The following PRKCH variants were observed in gnomAD, a reference collection of about 807,000 sequenced individuals.
The protein encoded by PRKCH is protein kinase C eta.
In PRKCH, 28 loss-of-function variants were observed where a neutral mutation model predicts 82.5. The ratio of observed to expected loss-of-function variants is 0.34; its 90% CI spans 0.25 to 0.47. PRKCH has a LOEUF of 0.47. Ranked by LOEUF, PRKCH falls within the 20% of genes least tolerant of loss-of-function variation. The pLI, the probability that PRKCH is intolerant of heterozygous loss-of-function variation, is 1.00. For missense variants in PRKCH, 705 were observed against 881.8 expected (o/e 0.80, Z 2.54); for synonymous variants, 322 against 327.4 (o/e 0.98, Z 0.18).
intron 1 of PRKCH, among the ~76,000 whole-genome samples, chr14:61,191,778 T>G (rs1460948689): frequency 6.6e-6 from 1 of 152,244 alleles, no homozygotes; most frequent in Admixed American, 6.5e-5. Context: ...TTGATGGCTT[T>G]GGGAGTTTGT....
At chr14:61,281,339 G>A in intron 1 of PRKCH, 1 of 366,132 alleles carries the variant, frequency 2.7e-6, no homozygotes, top group Admixed American at 4.8e-5. Context: ...TACGAGCAGT[G>A]CCCACACCCT....
chr14:61,407,303 C>G lies in PRKCH; in HGVS notation c.427+16015C>G, dbSNP rs184303253. On this transcript the variant is annotated intron_variant, in intron 2 of 13. Transcript: ENST00000332981. ...GCATTTATTATTAAGTCTAAATACC[C>G]TACCATTCTGAAGGCGGGACTGCAT... Among the ~76,000 whole-genome samples the G allele has an allele frequency of 7.6e-4, 116 of 152,232 alleles. 4 individuals are homozygous for G. In the East Asian group the frequency reaches 0.021, roughly 27 times the overall value.
chr14:61,204,874 A>G (rs111349408), intron 1 of PRKCH, among the ~76,000 whole-genome samples: 239 of 152,322 alleles, frequency 1.6e-3, no homozygotes, highest in Non-Finnish European at 3.0e-3. Flanking sequence ...TTATTTCTAG[A>G]GAATGAAACT....
chr14:61,484,154 C>T (rs781496054), intron 9 of PRKCH, among the ~76,000 whole-genome samples: 1 of 152,140 alleles, frequency 6.6e-6, no homozygotes, highest in Admixed American at 6.6e-5. Context: ...AAGTCGATGG[C>T]ACTCATCCTG....
chr14:61,245,939 C>T (rs890417819), intron 1 of PRKCH, among the ~76,000 whole-genome samples: 1 of 152,130 alleles, frequency 6.6e-6, no homozygotes, highest in African/African-American at 2.4e-5. Flanking sequence ...CAGTCATACC[C>T]AAACATTAGT....
chr14:61,483,990 A>C (rs1213187413), intron 9 of PRKCH, among the ~76,000 whole-genome samples: 1 of 152,206 alleles, frequency 6.6e-6, no homozygotes, highest in Non-Finnish European at 1.5e-5. Flanking sequence ...GCAGTGAGCC[A>C]AGATCGTGCC....
At chr14:61,527,327 T>C (rs2042980236) in intron 10 of PRKCH, among the ~76,000 whole-genome samples, 1 of 152,184 alleles carries the variant, frequency 6.6e-6, no homozygotes, top group Admixed American at 6.5e-5. Flanking sequence ...CTGTTCTCAC[T>C]CTGGTTTTCC....
rs539197501 is a variant in PRKCH at position 61,405,546 on chromosome 14, T to C, written c.427+14258T>C. 6.3e-4 allele frequency among the ~76,000 whole-genome samples: 96 copies of C among 152,242 alleles called. 1 individual carries two copies. Among genetic ancestry groups the C allele is most frequent in the South Asian group, 1.2e-3 (6 of 4,828 alleles). On this transcript the variant is annotated intron_variant, in intron 2 of 13. Coordinates refer to ENST00000332981, the MANE Select transcript of PRKCH (RefSeq NM_006255.5). Reference sequence around the variant, plus strand: ...GCGCGCAGCACCACGCCCAGCTAATTTTTGTATTTTTAGTAGAGATGGGGC... The same window carrying C: ...GCGCGCAGCACCACGCCCAGCTAATCTTTGTATTTTTAGTAGAGATGGGGC...
chr14:61,305,483 T>C (rs985243126), intron 1 of PRKCH: 9 of 152,010 alleles, frequency 5.9e-5, no homozygotes, highest in African/African-American at 2.2e-4. Flanking sequence ...CAATTATATA[T>C]ATACTAACTT....
chr14:61,445,000 C>G (rs1381374163), intron 3 of PRKCH, among the ~76,000 whole-genome samples: 2 of 152,134 alleles, frequency 1.3e-5, no homozygotes, highest in East Asian at 1.9e-4. Flanking sequence ...TGCTGCCTCC[C>G]GTGGCTTTTT....
At chr14:61,268,519 T>A (rs973580773) in intron 1 of PRKCH, among the ~76,000 whole-genome samples, 2 of 151,576 alleles carry the variant, frequency 1.3e-5, no homozygotes, top group African/African-American at 4.9e-5. Flanking sequence ...CACAAAAGAA[T>A]TAGGTGGGCA....
intron 1 of PRKCH, among the ~76,000 whole-genome samples, chr14:61,288,902 A>T (rs1478020909): frequency 6.6e-6 from 1 of 152,246 alleles, no homozygotes. Flanking sequence ...GGGATGTCAC[A>T]GAAGGAAGAA....
intron 2 of PRKCH, among the ~76,000 whole-genome samples, chr14:61,404,454 C>T (rs1188897271): frequency 3.3e-5 from 5 of 149,812 alleles, no homozygotes; most frequent in African/African-American, 1.3e-4. Flanking sequence ...TGGATCCATC[C>T]ATCCATCCAT....
Position 61,435,435 on chromosome 14 carries a change from G to A in PRKCH, c.428-7676G>A, listed in dbSNP as rs565199054. On this transcript the variant is annotated intron_variant, in intron 2 of 13. Transcript: ENST00000332981. ...GGTACAATTAGCTAGGAGAAAGAGAGGGTGGAGGAGGCCGAGAAGAGGGTT... is the reference window on the plus strand; with the variant it reads ...GGTACAATTAGCTAGGAGAAAGAGAAGGTGGAGGAGGCCGAGAAGAGGGTT... Among the ~76,000 whole-genome samples, 99 of 152,208 alleles carry A rather than the reference G, an allele frequency of 6.5e-4. 1 individual carries two copies. Among genetic ancestry groups the A allele is most frequent in the Non-Finnish European group, 5.3e-4 (36 of 68,040 alleles).
chr14:61,352,406 T>C (rs1430105113), intron 1 of PRKCH, among the ~76,000 whole-genome samples: 1 of 152,170 alleles, frequency 6.6e-6, no homozygotes, highest in Non-Finnish European at 1.5e-5. Context: ...CTCATGCCTG[T>C]GATCCCAGCA....
chr14:61,225,275 G>C (rs1443492766), intron 1 of PRKCH, among the ~76,000 whole-genome samples: 1 of 152,212 alleles, frequency 6.6e-6, no homozygotes, highest in Non-Finnish European at 1.5e-5. Context: ...TTTCTGTGGG[G>C]AAATAGAAAT....
chr14:61,246,114 G>T (rs1275378333), intron 1 of PRKCH, among the ~76,000 whole-genome samples: 1 of 151,984 alleles, frequency 6.6e-6, no homozygotes, highest in Non-Finnish European at 1.5e-5. Context: ...TGCAATAAAA[G>T]AATTTTCTAG....
chr14:61,538,549 A>T (rs1594796490), intron 12 of PRKCH, among the ~76,000 whole-genome samples: 1 of 152,152 alleles, frequency 6.6e-6, no homozygotes, highest in South Asian at 2.1e-4. Context: ...AGGATTTTTT[A>T]AAATGTATTT....
At chr14:61,529,323 G>A in intron 11 of PRKCH, 110 bp downstream of exon 11, 2 of 1,375,190 alleles carry the variant, frequency 1.5e-6, no homozygotes, top group Non-Finnish European at 9.7e-7. Context: ...AGCATTGAAA[G>A]GTGTCTAGAG....
Sources: allele counts gnomAD v4.1 joint callset (sites outside exome capture counted in the v4.1 genomes callset), GRCh38; gene constraint gnomAD v4.1.1; transcripts MANE v1.5; gene names NCBI Gene and HGNC (gene_info 2026-07-23, HGNC 2026-07-21).